Variants in PTER observed in about 807,000 individuals in gnomAD.
The protein encoded by PTER is phosphotriesterase related, also known as N-acetyltaurine hydrolase.
PTER carries 38 observed loss-of-function variants against 29.6 expected under a neutral mutation model. The ratio of observed to expected loss-of-function variants is 1.28; its 90% CI spans 0.99 to 1.68. The LOEUF is 1.68. Among genes scored for constraint, PTER ranks in the 40% most tolerant of loss-of-function variants. The pLI is 0.00. For synonymous variants in PTER, 172 were observed against 154.5 expected (o/e 1.11, Z -0.84); for missense variants, 482 against 427.8 (o/e 1.13, Z -1.12).
chr10:16,505,264 G>A (rs1049615103), intron 4 of PTER, 104 bp downstream of exon 4: 19 of 1,392,278 alleles, frequency 1.4e-5, no homozygotes, highest in Admixed American at 6.3e-5. Context: ...TAAGCAGGCC[G>A]AACCACAGAC....
chr10:16,483,930 G>C (rs564355183), intron 1 of PTER, among the ~76,000 whole-genome samples: 1 of 152,250 alleles, frequency 6.6e-6, no homozygotes, highest in South Asian at 2.1e-4. Flanking sequence ...AAACAGTACT[G>C]ATACATGGTT....
In PTER at chr10:16,486,495, T is replaced by C; in HGVS notation, c.576T>C (p.Ala192=). The change falls in exon 3 of 5, where the codon GCT becomes GCC. Residue 192 remains alanine, a synonymous_variant. Coordinates refer to ENST00000535784, the MANE Select transcript of PTER (RefSeq NM_001261836.2). ...KVLQATAHAQ[A]QLGCPVIIHP... is the part of the protein sequence containing the mutation. ...TCCAGGCCACAGCTCATGCCCAGGC[T>C]CAGCTTGGTTGTCCTGTTATTATCC... 1 of 1,614,010 alleles carries C rather than the reference T, an allele frequency of 6.2e-7. No homozygotes were observed.
intron 1 of PTER, among the ~76,000 whole-genome samples, chr10:16,483,912 G>A (rs1259036021): frequency 6.6e-6 from 1 of 152,068 alleles, no homozygotes; most frequent in Non-Finnish European, 1.5e-5. Flanking sequence ...GCTAAAAAGT[G>A]ACAAATGAAA....
intron 1 of PTER, among the ~76,000 whole-genome samples, chr10:16,481,649 A>AT (rs142202267): frequency 0.031 from 4,647 of 151,524 alleles, 184 homozygotes; most frequent in African/African-American, 0.092. Context: ...TTCTTAAGTG[A>AT]TTTTTTTTTC....
downstream of PTER, among the ~76,000 whole-genome samples, chr10:16,515,224 GAA>G (rs71952606): frequency 2.2e-5 from 3 of 134,876 alleles, no homozygotes; most frequent in African/African-American, 5.3e-5. Flanking sequence ...TACTTACAAA[GAA>G]AAAAAAAAAA....
intron 1 of PTER, among the ~76,000 whole-genome samples, chr10:16,442,440 C>T (rs963605904): frequency 1.3e-5 from 2 of 152,152 alleles, no homozygotes; most frequent in Non-Finnish European, 2.9e-5. Flanking sequence ...AGCCCATGCC[C>T]TGAGCTGTCA....
Position 16,465,917 on chromosome 10 carries a change from G to A in PTER, c.-48-18420G>A, listed in dbSNP as rs574564568. ...GCCTCATAAAACCATAAGATCTCAT[G>A]AGAACCCACTAACTATCATGAGAAC... On this transcript the variant is annotated intron_variant, in intron 1 of 4. Transcript: ENST00000535784. Among the ~76,000 whole-genome samples the A allele has an allele frequency of 2.6e-5, 4 of 152,262 alleles. No homozygotes were observed. In the South Asian group the frequency reaches 6.2e-4, roughly 24 times the overall value.
chr10:16,458,950 C>A (rs575256537), intron 1 of PTER, among the ~76,000 whole-genome samples: 3 of 152,060 alleles, frequency 2.0e-5, no homozygotes, highest in Non-Finnish European at 4.4e-5. Flanking sequence ...GAATAATAAC[C>A]TTTTATATAT....
rs1046712135 is a variant in PTER at position 16,511,336 on chromosome 10, T to G, written c.*80T>G. The G allele has an allele frequency of 3.9e-6, 5 of 1,285,250 alleles. No homozygotes were observed. The highest frequency in any genetic ancestry group is 1.7e-5 in the Admixed American group (1 of 58,936). The allele number at this position is 1,285,250 out of a possible 1,614,324, so 79.6% of individuals were successfully genotyped here. A position where few individuals can be genotyped will look rare whatever the true frequency, so the allele number is the denominator to read the frequency against. ...CGATTTCCAGTCCACTGTGAGATAT[T>G]AATCAGTTACCTAGGACTAATGACA... is the stretch of plus-strand genomic sequence containing the variant. On this transcript the variant is annotated 3_prime_UTR_variant, in exon 5 of 5. Coordinates refer to ENST00000535784, the MANE Select transcript of PTER (RefSeq NM_001261836.2).
At chr10:16,467,728 C>G (rs1020444002) in intron 1 of PTER, among the ~76,000 whole-genome samples, 1 of 152,124 alleles carries the variant, frequency 6.6e-6, no homozygotes, top group African/African-American at 2.4e-5. Context: ...AGGAGAATTG[C>G]TTGAACCTGG....
Position 16,504,987 on chromosome 10 carries a change from A to G in PTER, c.699-33A>G, listed in dbSNP as rs1378550145. Reference sequence around the variant, plus strand: ...TGTACATGTGGAAAATGGGCTCTTCATAATAACAGTTCATCTGTCGCATTG... The same window carrying G: ...TGTACATGTGGAAAATGGGCTCTTCGTAATAACAGTTCATCTGTCGCATTG... On this transcript the variant is annotated intron_variant, in intron 3 of 4. Coordinates refer to ENST00000535784, the MANE Select transcript of PTER (RefSeq NM_001261836.2). The G allele has an allele frequency of 1.9e-5, 30 of 1,610,944 alleles. No individual in the cohort carries two copies. The Admixed American group carries it at 4.5e-4, about 24-fold the overall frequency.
At chr10:16,481,265 G>C (rs1004664102) in intron 1 of PTER, among the ~76,000 whole-genome samples, 7 of 152,328 alleles carry the variant, frequency 4.6e-5, no homozygotes, top group African/African-American at 1.7e-4. Flanking sequence ...AGCCTGCTTT[G>C]TTTGTTGGTA....
At chr10:16,480,190 A>G (rs1835424993) in intron 1 of PTER, among the ~76,000 whole-genome samples, 1 of 117,576 alleles carries the variant, frequency 8.5e-6, no homozygotes, top group African/African-American at 4.4e-5. Flanking sequence ...ATTTGACTAT[A>G]GCATTTTTTT....
chr10:16,457,922 G>A (rs1038165704), intron 1 of PTER, among the ~76,000 whole-genome samples: 5 of 152,088 alleles, frequency 3.3e-5, no homozygotes, highest in South Asian at 2.1e-4. Context: ...AAAGTATTTT[G>A]TTTATCATAA....
chr10:16,489,828 A>G (rs1429090701), intron 3 of PTER, among the ~76,000 whole-genome samples: 1 of 152,116 alleles, frequency 6.6e-6, no homozygotes, highest in East Asian at 1.9e-4. Flanking sequence ...GACTGTTTAA[A>G]CTAAATTTTA....
At chr10:16,466,754 T>C (rs1834851215) in intron 1 of PTER, among the ~76,000 whole-genome samples, 1 of 152,186 alleles carries the variant, frequency 6.6e-6, no homozygotes, top group African/African-American at 2.4e-5. Flanking sequence ...TGGGGAGACT[T>C]GTGTGGGAAA....
chr10:16,455,721 G>T (rs1588589451), intron 1 of PTER, among the ~76,000 whole-genome samples: 1 of 152,166 alleles, frequency 6.6e-6, no homozygotes, highest in East Asian at 1.9e-4. Context: ...AGAGGTAAAG[G>T]TTTAACTTCA....
chr10:16,501,751 C>G (rs1375305771), intron 3 of PTER, among the ~76,000 whole-genome samples: 1 of 152,172 alleles, frequency 6.6e-6, no homozygotes, highest in Non-Finnish European at 1.5e-5. Flanking sequence ...ATAGGAGAAG[C>G]CATACAGTAT....
chr10:16,491,418 T>C (rs990174738), intron 3 of PTER, among the ~76,000 whole-genome samples: 1 of 152,174 alleles, frequency 6.6e-6, no homozygotes, highest in African/African-American at 2.4e-5. Context: ...TTTGACTGGG[T>C]CAGCCTCTCA....
Sources: allele counts gnomAD v4.1 joint callset (sites outside exome capture counted in the v4.1 genomes callset), GRCh38; gene constraint gnomAD v4.1.1; transcripts MANE v1.5; gene names NCBI Gene and HGNC (gene_info 2026-07-23, HGNC 2026-07-21).